The following BNC2 variants were observed in gnomAD, a reference collection of about 807,000 sequenced individuals.
BNC2 encodes zinc finger protein basonuclin-2.
BNC2 carries 20 observed loss-of-function variants against 76.3 expected under a neutral mutation model. That is an observed-to-expected ratio of 0.26 (90% CI 0.18 to 0.38). The LOEUF is 0.38. BNC2 is among the 10% of genes least tolerant of loss of function. The pLI is 1.00. For missense variants in BNC2, 1,382 were observed against 1,399.8 expected (o/e 0.99, Z 0.20); for synonymous variants, 582 against 514.8 (o/e 1.13, Z -1.77).
At chr9:16,531,431 G>A (rs1401754474) in intron 5 of BNC2, among the ~76,000 whole-genome samples, 3 of 151,892 alleles carry the variant, frequency 2.0e-5, no homozygotes, top group Non-Finnish European at 4.4e-5. Context: ...GCGAGAGAGG[G>A]AGAAGTTTTT....
intron 5 of BNC2, among the ~76,000 whole-genome samples, chr9:16,448,519 T>C (rs1256594685): frequency 6.6e-6 from 1 of 152,136 alleles, no homozygotes; most frequent in African/African-American, 2.4e-5. Context: ...ATATTATACT[T>C]TGAATTACTT....
chr9:16,630,927 C>T (rs1313623384), intron 3 of BNC2, among the ~76,000 whole-genome samples: 8 of 151,828 alleles, frequency 5.3e-5, no homozygotes, highest in African/African-American at 1.5e-4. Context: ...TTAGTAGAGA[C>T]GGGGTTTCTC....
At chr9:16,544,758 C>T (rs1414428651) in intron 5 of BNC2, among the ~76,000 whole-genome samples, 1 of 149,366 alleles carries the variant, frequency 6.7e-6, no homozygotes, top group Non-Finnish European at 1.5e-5. Context: ...TGCAGTGAGC[C>T]GAGATCATGT....
chr9:16,506,451 A>G (rs1822625514), intron 5 of BNC2, among the ~76,000 whole-genome samples: 1 of 148,096 alleles, frequency 6.8e-6, no homozygotes, highest in Non-Finnish European at 1.5e-5. Flanking sequence ...TCATCTGGCA[A>G]GTTGAAATTT....
intron 5 of BNC2, among the ~76,000 whole-genome samples, chr9:16,467,251 A>T (rs1413350493): frequency 1.6e-4 from 10 of 63,336 alleles, no homozygotes; most frequent in African/African-American, 6.3e-4. Flanking sequence ...AAACTAGTTC[A>T]ACCATTGTGG....
At chr9:16,744,536 A>G (rs1824945240) in intron 1 of BNC2, among the ~76,000 whole-genome samples, 1 of 152,176 alleles carries the variant, frequency 6.6e-6, no homozygotes, top group Non-Finnish European at 1.5e-5. Context: ...CTCTGACCTC[A>G]AGTACTTATC....
chr9:16,635,184 G>C (rs1821286865), intron 3 of BNC2, among the ~76,000 whole-genome samples: 1 of 152,136 alleles, frequency 6.6e-6, no homozygotes, highest in African/African-American at 2.4e-5. Flanking sequence ...TTTTCTCACT[G>C]TAGTTAAAAA....
chr9:16,768,069 G>A (rs527751557), intron 1 of BNC2, among the ~76,000 whole-genome samples: 15 of 151,506 alleles, frequency 9.9e-5, no homozygotes, highest in South Asian at 2.1e-4. Context: ...GGGTTCAAGC[G>A]ATTCTTCTGC....
intron 1 of BNC2, among the ~76,000 whole-genome samples, chr9:16,869,033 G>T (rs1819611573): frequency 6.6e-6 from 1 of 152,156 alleles, no homozygotes; most frequent in African/African-American, 2.4e-5. Flanking sequence ...TACATGTGTA[G>T]ACAAATAGTT....
intron 3 of BNC2, among the ~76,000 whole-genome samples, chr9:16,655,240 A>C (rs528242036): frequency 2.0e-5 from 3 of 152,186 alleles, no homozygotes; most frequent in Non-Finnish European, 4.4e-5. Flanking sequence ...TGACCATGCT[A>C]ATTTTAAGCC....
rs1820704188 is a variant in BNC2 at position 16,616,585 on chromosome 9, C to G, written c.331-33500G>C. On this transcript the variant is annotated intron_variant, in intron 3 of 6. Transcript: ENST00000380672. ...CCCATGGTCTCAGCAACTTGGGAGG[C>G]TGAGGCAGGAGAATCTCTACTTGAG... Among the ~76,000 whole-genome samples, 4 of 150,364 alleles carry G rather than the reference C, an allele frequency of 2.7e-5. 1 individual carries two copies. The South Asian group carries it at 6.3e-4, about 24-fold the overall frequency.
At chr9:16,801,895 C>G (rs910163907) in intron 1 of BNC2, among the ~76,000 whole-genome samples, 8 of 151,992 alleles carry the variant, frequency 5.3e-5, no homozygotes, top group African/African-American at 1.9e-4. Flanking sequence ...TGGCTCAAGT[C>G]TGAAGTTATC....
At position 16,458,335 on chromosome 9, in the gene BNC2, G is replaced by A. The variant is rs559729423; in HGVS notation, c.670-20811C>T. 8.9e-4 allele frequency among the ~76,000 whole-genome samples: 136 copies of A among 152,272 alleles called. 1 individual carries two copies. Among genetic ancestry groups the A allele is most frequent in the African/African-American group, 3.2e-3 (131 of 41,544 alleles). ...AAAAGAGGCTGCTGGTCCATTAGAG[G>A]CTGGAAAAGCAGCTTTTGTGGTCCT... is the stretch of plus-strand genomic sequence containing the variant. On this transcript the variant is annotated intron_variant, in intron 5 of 6. Coordinates refer to ENST00000380672, the MANE Select transcript of BNC2 (RefSeq NM_017637.6).
At chr9:16,725,313 G>A (rs894240476) in intron 3 of BNC2, among the ~76,000 whole-genome samples, 14 of 151,120 alleles carry the variant, frequency 9.3e-5, no homozygotes, top group African/African-American at 3.2e-4. Context: ...AATATGAACA[G>A]CACACATACT....
At chr9:16,675,860 C>A (rs1218978257) in intron 3 of BNC2, among the ~76,000 whole-genome samples, 1 of 151,978 alleles carries the variant, frequency 6.6e-6, no homozygotes, top group East Asian at 1.9e-4. Context: ...ACCAGCCTGG[C>A]CAACATGGTG....
intron 1 of BNC2, among the ~76,000 whole-genome samples, chr9:16,740,994 T>C (rs927845502): frequency 4.6e-5 from 7 of 152,186 alleles, no homozygotes; most frequent in African/African-American, 1.7e-4. Context: ...TGTACACTTC[T>C]TAAAAGAGAC....
chr9:16,806,713 G>A (rs1817922972), intron 1 of BNC2, among the ~76,000 whole-genome samples: 1 of 152,178 alleles, frequency 6.6e-6, no homozygotes, highest in Non-Finnish European at 1.5e-5. Flanking sequence ...CTATCTTACA[G>A]TTCTCAACAA....
intron 3 of BNC2, among the ~76,000 whole-genome samples, chr9:16,586,434 C>T (rs1464563180): frequency 1.3e-5 from 2 of 152,210 alleles, no homozygotes; most frequent in Non-Finnish European, 2.9e-5. Context: ...CTGCCCCACA[C>T]GTGCCTGAAA....
chr9:16,787,780 G>C (rs771420423), intron 1 of BNC2, among the ~76,000 whole-genome samples: 11 of 152,108 alleles, frequency 7.2e-5, no homozygotes, highest in Admixed American at 2.0e-4. Flanking sequence ...TGAACTTCTT[G>C]CTTCAGGTGA....
Sources: gnomAD v4.1 joint callset for allele counts (sites outside exome capture counted in the v4.1 genomes callset) on GRCh38, gnomAD v4.1.1 for gene constraint, MANE v1.5 for transcripts, NCBI Gene and HGNC (gene_info 2026-07-23, HGNC 2026-07-21) for gene names.